NCOR1: variants seen among roughly 807,000 people sequenced by gnomAD.
NCOR1 encodes the protein protein phosphatase 1, regulatory subunit 109.
In NCOR1, 63 loss-of-function variants were observed where a neutral mutation model predicts 288.1. That is an observed-to-expected ratio of 0.22 (90% confidence interval 0.18 to 0.27). The LOEUF (loss-of-function observed/expected upper bound fraction) is 0.27, where lower values mean the gene tolerates loss of function less well. Among genes scored for constraint, NCOR1 ranks in the 10% least tolerant of loss-of-function variants. The pLI, the probability that NCOR1 is intolerant of heterozygous loss-of-function variation, is 1.00. For missense variants in NCOR1, 2,397 were observed against 3,019.2 expected (o/e 0.79, Z 4.83); for synonymous variants, 1,007 against 1,065.9 (o/e 0.94, Z 1.08).
chr17:16,165,519 T>C (rs1304548410), intron 4 of NCOR1, among the ~76,000 whole-genome samples: 1 of 152,212 alleles, frequency 6.6e-6, no homozygotes, highest in African/African-American at 2.4e-5. Context: ...GCTCTTCAAA[T>C]GGTCTGAACA....
Position 16,031,030 on chromosome 17 carries a change from T to G in NCOR1, c.*1266A>C. On this transcript the variant is annotated 3_prime_UTR_variant, in exon 46 of 46. Transcript: ENST00000268712. ...TACTTAAATGCTATGATAAATTGTA[T>G]GAAAAAAACTTTAAAATTCAGCAAG... 1 of 195,654 alleles carries G rather than the reference T, an allele frequency of 5.1e-6. No individual in the cohort carries two copies. Among genetic ancestry groups the G allele is most frequent in the East Asian group, 8.0e-5 (1 of 12,514 alleles). The allele number at this position is 195,654 out of a possible 1,614,324, so 12.1% of individuals were successfully genotyped here. A position where few individuals can be genotyped will look rare whatever the true frequency, so the allele number is the denominator to read the frequency against.
intron 10 of NCOR1, among the ~76,000 whole-genome samples, chr17:16,144,504 G>A (rs756920106): frequency 2.0e-5 from 3 of 152,138 alleles, no homozygotes; most frequent in Non-Finnish European, 2.9e-5. Flanking sequence ...GTAAACCTGT[G>A]TCATGGGGAT....
chr17:16,097,919 G>A (rs147590855), intron 21 of NCOR1, among the ~76,000 whole-genome samples: 4 of 152,282 alleles, frequency 2.6e-5, no homozygotes, highest in South Asian at 2.1e-4. Context: ...GTTGGTGTCC[G>A]AATTGAACTG....
chr17:16,043,478 G>T, intron 42 of NCOR1, among the ~76,000 whole-genome samples: 1 of 152,180 alleles, frequency 6.6e-6, no homozygotes, highest in East Asian at 1.9e-4. Context: ...TCCTGTTAAA[G>T]TTAGGTACTT....
chr17:16,035,535 T>TC, intron 44 of NCOR1, among the ~76,000 whole-genome samples: 1 of 149,606 alleles, frequency 6.7e-6, no homozygotes, highest in East Asian at 1.9e-4. Context: ...TTGTTCTTTT[T>TC]TTTTTTTTTT....
At chr17:16,145,971 G>C (rs1394554806) in intron 10 of NCOR1, among the ~76,000 whole-genome samples, 1 of 152,096 alleles carries the variant, frequency 6.6e-6, no homozygotes, top group Non-Finnish European at 1.5e-5. Context: ...TTCTGCCTTG[G>C]GATGCTGTTA....
chr17:16,105,243 T>A lies in NCOR1; in HGVS notation c.2183-3486A>T, dbSNP rs9906753. On this transcript the variant is annotated intron_variant, in intron 19 of 45. Coordinates refer to ENST00000268712, the MANE Select transcript of NCOR1 (RefSeq NM_006311.4). Reference sequence around the variant, plus strand: ...GGAAGAAAAAACAGAATGGACCTTGTCTCTACACAAAATAAAAAAGTACAT... The same window carrying A: ...GGAAGAAAAAACAGAATGGACCTTGACTCTACACAAAATAAAAAAGTACAT... 8.0e-3 allele frequency among the ~76,000 whole-genome samples: 1,222 copies of A among 152,170 alleles called. 12 individuals are homozygous for A. The highest frequency in any genetic ancestry group is 0.027 in the African/African-American group (1,133 of 41,490).
At chr17:16,035,732 G>A (rs1412212145) in intron 44 of NCOR1, among the ~76,000 whole-genome samples, 5 of 151,758 alleles carry the variant, frequency 3.3e-5, no homozygotes, top group African/African-American at 4.8e-5. Context: ...TGTAGAGATG[G>A]GGTCTCACCA....
chr17:16,214,556 C>G (rs2092395791), intron 1 of NCOR1, among the ~76,000 whole-genome samples: 2 of 152,192 alleles, frequency 1.3e-5, no homozygotes, highest in African/African-American at 4.8e-5. Flanking sequence ...AAGGTTAACT[C>G]TGTGGAAGAG....
In NCOR1 at chr17:16,172,949, T is replaced by C. The variant is rs1392858586; in HGVS notation, c.243-954A>G. Among the ~76,000 whole-genome samples, 5 of 152,196 alleles carry C rather than the reference T, an allele frequency of 3.3e-5. No individual in the cohort carries two copies. The East Asian group carries it at 9.6e-4, about 29-fold the overall frequency. Reference sequence around the variant, plus strand: ...ACAATGAAATGAATGCTAAATTCTTTTTTTGTTTGTTTATTTCTTTTTTGA... The same window carrying C: ...ACAATGAAATGAATGCTAAATTCTTCTTTTGTTTGTTTATTTCTTTTTTGA... On this transcript the variant is annotated intron_variant, in intron 3 of 45. Transcript: ENST00000268712.
intron 35 of NCOR1, 50 bp downstream of exon 35, chr17:16,064,018 A>G: frequency 6.2e-7 from 1 of 1,604,410 alleles, no homozygotes; most frequent in South Asian, 1.1e-5. Flanking sequence ...ACAGTGTACA[A>G]GATTACTAAG....
chr17:16,059,355 CAAATAAATGGAGTATTGCTAACAA>C (rs998040337), intron 37 of NCOR1, among the ~76,000 whole-genome samples: 1 of 152,108 alleles, frequency 6.6e-6, no homozygotes, highest in African/African-American at 2.4e-5. Context: ...ATGATTTTCT[CAAATAAATGGAGTATTGCTAACAA>C]AACTTACTCC....
At chr17:16,187,427 A>C (rs1464362964) in intron 2 of NCOR1, among the ~76,000 whole-genome samples, 4 of 151,958 alleles carry the variant, frequency 2.6e-5, no homozygotes, top group African/African-American at 9.7e-5. Flanking sequence ...ATGTCCATCA[A>C]CTAATGAACA....
At chr17:16,122,083 C>A (rs529839481) in intron 15 of NCOR1, among the ~76,000 whole-genome samples, 23 of 152,296 alleles carry the variant, frequency 1.5e-4, no homozygotes, top group Admixed American at 4.6e-4. Flanking sequence ...AGCTAAAACT[C>A]CCTCAGGATA....
chr17:16,065,358 A>G (rs2061001549), intron 33 of NCOR1, 127 bp downstream of exon 33: 2 of 1,102,660 alleles, frequency 1.8e-6, no homozygotes, highest in East Asian at 2.6e-5. Flanking sequence ...AGTCTACGGG[A>G]GGAAGGATAT....
chr17:16,181,394 A>G (rs1411005643), intron 3 of NCOR1, among the ~76,000 whole-genome samples: 1 of 151,722 alleles, frequency 6.6e-6, no homozygotes, highest in Non-Finnish European at 1.5e-5. Flanking sequence ...GAATATTAAA[A>G]AAAAAAAAAG....
intron 42 of NCOR1, among the ~76,000 whole-genome samples, chr17:16,042,657 C>T (rs1413267942): frequency 6.6e-6 from 1 of 152,194 alleles, no homozygotes; most frequent in Non-Finnish European, 1.5e-5. Flanking sequence ...GTGAAAGCCA[C>T]TGTGGAGGCC....
intron 26 of NCOR1, among the ~76,000 whole-genome samples, chr17:16,076,861 A>C (rs2062538823): frequency 1.3e-5 from 2 of 152,174 alleles, no homozygotes; most frequent in African/African-American, 4.8e-5. Context: ...ACATATGACA[A>C]GTATGCTCAG....
At chr17:16,129,693 CAT>C (rs1457963192) in intron 14 of NCOR1, among the ~76,000 whole-genome samples, 1 of 152,118 alleles carries the variant, frequency 6.6e-6, no homozygotes, top group African/African-American at 2.4e-5. Context: ...AGTAAGATGG[CAT>C]AGTAAGGACA....
Sources: gnomAD v4.1 joint callset for allele counts (sites outside exome capture counted in the v4.1 genomes callset) on GRCh38, gnomAD v4.1.1 for gene constraint, MANE v1.5 for transcripts, NCBI Gene and HGNC (gene_info 2026-07-23, HGNC 2026-07-21) for gene names.